The following SDK1 variants were observed in gnomAD, a reference collection of about 807,000 sequenced individuals.
SDK1 encodes protein sidekick-1.
In SDK1, 157 loss-of-function variants were observed where a neutral mutation model predicts 245.5. That is an observed-to-expected ratio of 0.64 (90% CI 0.56 to 0.73). The LOEUF (loss-of-function observed/expected upper bound fraction) is 0.73. Among genes scored for constraint, SDK1 ranks in the 30% least tolerant of loss-of-function variants. The pLI is 0.00. For missense variants in SDK1, 3,583 were observed against 3,002.3 expected (o/e 1.19, Z -4.52); for synonymous variants, 1,647 against 1,278.5 (o/e 1.29, Z -6.15).
chr7:4,152,027 G>T, intron 30 of SDK1, among the ~76,000 whole-genome samples: 1 of 152,146 alleles, frequency 6.6e-6, no homozygotes. Context: ...TAGCTGCGTG[G>T]CCTTGGAAAA....
chr7:3,683,416 G>GT (rs141069137), intron 4 of SDK1, among the ~76,000 whole-genome samples: 1 of 152,190 alleles, frequency 6.6e-6, no homozygotes, highest in East Asian at 1.9e-4. Context: ...AGGCGAGTAG[G>GT]TAGTTTTAAA....
At chr7:3,529,204 A>G (rs1366532082) in intron 1 of SDK1, among the ~76,000 whole-genome samples, 3 of 152,162 alleles carry the variant, frequency 2.0e-5, no homozygotes, top group Non-Finnish European at 4.4e-5. Context: ...AGGTGATAAT[A>G]TAGAGACACA....
intron 36 of SDK1, among the ~76,000 whole-genome samples, chr7:4,206,282 G>A (rs561260679): frequency 2.0e-4 from 30 of 152,330 alleles, no homozygotes; most frequent in Admixed American, 1.4e-3. Flanking sequence ...CACTCTGGAC[G>A]CATGGCCTGG....
chr7:4,027,881 T>G (rs1264020140), intron 17 of SDK1, among the ~76,000 whole-genome samples: 38 of 151,668 alleles, frequency 2.5e-4, no homozygotes. Context: ...AGAAGGGGCT[T>G]GTGGGAACGA....
intron 4 of SDK1, among the ~76,000 whole-genome samples, chr7:3,685,352 T>C (rs1784248857): frequency 6.6e-6 from 1 of 152,174 alleles, no homozygotes; most frequent in South Asian, 2.1e-4. Context: ...CAGCAAATTT[T>C]GCATCTGGTA....
intron 1 of SDK1, among the ~76,000 whole-genome samples, chr7:3,358,310 C>A (rs1204091979): frequency 6.6e-6 from 1 of 152,214 alleles, no homozygotes; most frequent in Non-Finnish European, 1.5e-5. Context: ...GCATGGACCA[C>A]CATGCCCAGC....
At chr7:4,179,633 G>A (rs1283023293) in intron 35 of SDK1, among the ~76,000 whole-genome samples, 2 of 151,886 alleles carry the variant, frequency 1.3e-5, no homozygotes, top group African/African-American at 4.8e-5. Flanking sequence ...TGTTCAAAGG[G>A]GTCACTCAGA....
At chr7:3,391,374 A>G (rs1366777457) in intron 1 of SDK1, among the ~76,000 whole-genome samples, 1 of 152,168 alleles carries the variant, frequency 6.6e-6, no homozygotes, top group Non-Finnish European at 1.5e-5. Context: ...GAATGTAAGC[A>G]GTTTCTTCTA....
chr7:3,319,626 A>G (rs537525836), intron 1 of SDK1, among the ~76,000 whole-genome samples: 7 of 152,180 alleles, frequency 4.6e-5, no homozygotes, highest in African/African-American at 7.2e-5. Flanking sequence ...CTGCAATTGT[A>G]TACTGCATTG....
chr7:3,587,457 G>C (rs537209353), intron 1 of SDK1, among the ~76,000 whole-genome samples: 1 of 152,048 alleles, frequency 6.6e-6, no homozygotes, highest in Non-Finnish European at 1.5e-5. Flanking sequence ...GAGCCAGAGA[G>C]CCAAGGGTAC....
chr7:3,990,569 G>T (rs1784224506), intron 14 of SDK1, among the ~76,000 whole-genome samples: 1 of 152,198 alleles, frequency 6.6e-6, no homozygotes, highest in African/African-American at 2.4e-5. Context: ...GGAGAGAATG[G>T]GACAGGGGAG....
intron 4 of SDK1, among the ~76,000 whole-genome samples, chr7:3,754,025 C>A (rs979259947): frequency 1.3e-5 from 2 of 152,162 alleles, no homozygotes; most frequent in African/African-American, 4.8e-5. Flanking sequence ...TTCAGGACTT[C>A]TGCCCAAACC....
intron 2 of SDK1, among the ~76,000 whole-genome samples, chr7:3,621,282 G>T (rs1781929845): frequency 6.6e-6 from 1 of 152,164 alleles, no homozygotes; most frequent in Non-Finnish European, 1.5e-5. Flanking sequence ...CTGGAGTTCA[G>T]GGACTTGCTC....
chr7:3,616,480 G>A (rs534849126), intron 1 of SDK1, among the ~76,000 whole-genome samples: 3 of 152,302 alleles, frequency 2.0e-5, no homozygotes, highest in Admixed American at 6.5e-5. Flanking sequence ...TACTCGCCAT[G>A]TTTGCTCCCA....
intron 41 of SDK1, among the ~76,000 whole-genome samples, chr7:4,235,071 G>A (rs369695596): frequency 1.5e-4 from 23 of 152,174 alleles, no homozygotes; most frequent in African/African-American, 2.9e-4. Flanking sequence ...GTGGGTGAGC[G>A]TGGGCCCTAA....
intron 5 of SDK1, among the ~76,000 whole-genome samples, chr7:3,905,809 G>C (rs140099177): frequency 1.3e-5 from 2 of 151,992 alleles, no homozygotes; most frequent in Non-Finnish European, 2.9e-5. Context: ...AAAATGTGGA[G>C]ATAAGTGTCT....
intron 2 of SDK1, among the ~76,000 whole-genome samples, chr7:3,621,373 C>T (rs1371367205): frequency 2.0e-5 from 3 of 152,144 alleles, no homozygotes; most frequent in Admixed American, 6.5e-5. Flanking sequence ...GTAAGGCCCA[C>T]ATCACCCTCA....
intron 4 of SDK1, among the ~76,000 whole-genome samples, chr7:3,695,014 G>C (rs567913860): frequency 2.8e-4 from 42 of 152,180 alleles, no homozygotes; most frequent in Non-Finnish European, 5.6e-4. Flanking sequence ...TTCCCAGAAA[G>C]CAGGTATAAA....
intron 4 of SDK1, among the ~76,000 whole-genome samples, chr7:3,751,566 T>C (rs747440276): frequency 2.5e-4 from 38 of 152,154 alleles, no homozygotes; most frequent in Non-Finnish European, 4.9e-4. Context: ...CCAGTAAGGA[T>C]GCTTTTTACA....
Sources: gnomAD v4.1 joint callset for allele counts (sites outside exome capture counted in the v4.1 genomes callset) on GRCh38, gnomAD v4.1.1 for gene constraint, MANE v1.5 for transcripts, NCBI Gene and HGNC (gene_info 2026-07-23, HGNC 2026-07-21) for gene names.